TFB1M: variants seen among roughly 807,000 people sequenced by gnomAD.
The protein encoded by TFB1M is transcription factor B1, mitochondrial, also known as dimethyladenosine transferase 1, mitochondrial.
Under a neutral mutation model 31.1 loss-of-function variants are expected in TFB1M, and 27 were observed. The ratio of observed to expected loss-of-function variants is 0.87; its 90% confidence interval spans 0.64 to 1.20. The LOEUF (loss-of-function observed/expected upper bound fraction) is 1.20. Among genes scored for constraint, TFB1M ranks in the 50% most tolerant of loss-of-function variants. TFB1M has a pLI of 0.00. For synonymous variants in TFB1M, 166 were observed against 151.8 expected, an observed-to-expected ratio of 1.09 and a Z score of -0.69; for missense variants, 394 against 418.7, an observed-to-expected ratio of 0.94 and a Z score of 0.51.
chr6:155,260,462 C>G, intron 5 of TFB1M, 62 bp from the exon 6 acceptor site: 5 of 1,608,408 alleles, frequency 3.1e-6, no homozygotes, highest in Non-Finnish European at 3.4e-6. Context: ...TGTGATCAAT[C>G]AACTCATCCT....
downstream of TFB1M, chr6:155,254,322 C>G: frequency 6.7e-7 from 1 of 1,502,266 alleles, no homozygotes; most frequent in South Asian, 1.3e-5. Flanking sequence ...GCAGCCTGGT[C>G]CAGCAGGTGC....
the TFB1M span, among the ~76,000 whole-genome samples, chr6:155,229,993 A>G: frequency 6.6e-6 from 1 of 151,936 alleles, no homozygotes; most frequent in African/African-American, 2.4e-5. Flanking sequence ...GGTCCCTCCC[A>G]TGACACATGG....
intron 2 of TFB1M, among the ~76,000 whole-genome samples, chr6:155,301,651 G>A (rs1435306949): frequency 6.6e-6 from 1 of 152,008 alleles, no homozygotes; most frequent in Non-Finnish European, 1.5e-5. Flanking sequence ...TTTTATTTTA[G>A]TGTTCAATTC....
At chr6:155,277,654 C>G (rs1346347302) in intron 5 of TFB1M, among the ~76,000 whole-genome samples, 1 of 152,108 alleles carries the variant, frequency 6.6e-6, no homozygotes, top group African/African-American at 2.4e-5. Flanking sequence ...TTAGCTATTA[C>G]TGGAATAGCT....
chr6:155,311,690 G>A (rs974280682), intron 1 of TFB1M, among the ~76,000 whole-genome samples: 1 of 152,166 alleles, frequency 6.6e-6, no homozygotes, highest in African/African-American at 2.4e-5. Context: ...GGATAAGAAT[G>A]CAGCACTTTT....
chr6:155,234,371 T>C, the TFB1M span, among the ~76,000 whole-genome samples: 5 of 152,224 alleles, frequency 3.3e-5, no homozygotes, highest in Admixed American at 6.5e-5. Flanking sequence ...CACTGTAACC[T>C]TGAACTCCTG....
chr6:155,285,407 C>T lies in TFB1M; in HGVS notation c.547-130G>A, dbSNP rs527421082. 3.4e-4 allele frequency: 334 copies of T among 982,862 alleles called. 2 individuals are homozygous for T. In the East Asian group the frequency reaches 9.0e-3, roughly 26 times the overall value. 60.9% of individuals were successfully genotyped at this position (982,862 alleles called of 1,614,324 possible). Reference sequence around the variant, plus strand: ...GGCAAATTTGAAAAGAATGGGCTATCTGACACATGACACACAGCAAACATG... The same window carrying T: ...GGCAAATTTGAAAAGAATGGGCTATTTGACACATGACACACAGCAAACATG... On this transcript the variant is annotated intron_variant, in intron 4 of 6. Coordinates refer to ENST00000367166, the MANE Select transcript of TFB1M (RefSeq NM_016020.4).
In TFB1M at chr6:155,278,082, T is replaced by C. The variant is rs570353575; in HGVS notation, c.666+7076A>G. Among the ~76,000 whole-genome samples the C allele has an allele frequency of 9.2e-5, 14 of 152,312 alleles. No individual in the cohort carries two copies. The East Asian group carries it at 2.7e-3, about 29-fold the overall frequency. On this transcript the variant is annotated intron_variant, in intron 5 of 6. Transcript: ENST00000367166. Reference sequence around the variant, plus strand: ...TATATGAAATAATGGCCCAGTGTATTGTTTGGAAGTGGCAATCCTGCAATA... The same window carrying C: ...TATATGAAATAATGGCCCAGTGTATCGTTTGGAAGTGGCAATCCTGCAATA...
At chr6:155,287,634 T>C (rs1776726229) in intron 4 of TFB1M, among the ~76,000 whole-genome samples, 1 of 151,648 alleles carries the variant, frequency 6.6e-6, no homozygotes, top group Non-Finnish European at 1.5e-5. Context: ...GAAATAATGA[T>C]GACGAAAGTT....
intron 4 of TFB1M, among the ~76,000 whole-genome samples, chr6:155,290,009 T>C (rs1432331022): frequency 2.0e-5 from 3 of 152,166 alleles, no homozygotes; most frequent in Non-Finnish European, 4.4e-5. Context: ...TCCTGTAGAG[T>C]TGCAGAAATG....
intron 5 of TFB1M, among the ~76,000 whole-genome samples, chr6:155,281,218 T>TCCTTCAA (rs776513504): frequency 1.3e-5 from 2 of 152,216 alleles, no homozygotes; most frequent in Non-Finnish European, 2.9e-5. Flanking sequence ...CTCACAAATG[T>TCCTTCAA]CCTTCAAGGG....
intron 5 of TFB1M, 179 bp from the exon 6 acceptor site, chr6:155,260,579 A>C (rs1784346952): frequency 1.3e-6 from 1 of 750,916 alleles, no homozygotes; most frequent in Admixed American, 2.1e-5. Flanking sequence ...CTGGATTCGC[A>C]AATGACATGG....
intron 4 of TFB1M, among the ~76,000 whole-genome samples, chr6:155,293,511 C>G (rs1777026100): frequency 6.6e-6 from 1 of 152,190 alleles, no homozygotes. Flanking sequence ...TGTTGCAGGT[C>G]TATTCCTCCA....
chr6:155,301,737 C>T (rs1024234616), intron 2 of TFB1M, among the ~76,000 whole-genome samples: 2 of 152,010 alleles, frequency 1.3e-5, no homozygotes, highest in African/African-American at 4.8e-5. Flanking sequence ...AAGAAGAAAC[C>T]GAAAATCAAA....
chr6:155,268,897 A>G (rs9397796), intron 5 of TFB1M, among the ~76,000 whole-genome samples: 17,983 of 147,048 alleles, frequency 0.12, 1,397 homozygotes, highest in Non-Finnish European at 0.18. Flanking sequence ...CTATTGTCCT[A>G]TGACCCTGCC....
chr6:155,291,924 A>G (rs1776943881), intron 4 of TFB1M, among the ~76,000 whole-genome samples: 1 of 152,234 alleles, frequency 6.6e-6, no homozygotes. Flanking sequence ...AAGCTTATGT[A>G]GTAGTAGAGT....
chr6:155,241,386 G>A, the TFB1M span, among the ~76,000 whole-genome samples: 1 of 152,174 alleles, frequency 6.6e-6, no homozygotes, highest in African/African-American at 2.4e-5. Context: ...GTCAGTTACT[G>A]AAGCAGCGCG....
chr6:155,265,738 T>TATATA (rs1562389445), intron 5 of TFB1M, among the ~76,000 whole-genome samples: 1 of 140,548 alleles, frequency 7.1e-6, no homozygotes, highest in African/African-American at 2.7e-5. Context: ...AAATATATAT[T>TATATA]ATATATAATA....
the TFB1M span, chr6:155,240,585 G>T: frequency 6.2e-7 from 1 of 1,614,120 alleles, no homozygotes; most frequent in Non-Finnish European, 8.5e-7. Flanking sequence ...CAGGCCAACG[G>T]CATGGAAGGA....
Sources: gnomAD v4.1 joint callset for allele counts (sites outside exome capture counted in the v4.1 genomes callset) on GRCh38, gnomAD v4.1.1 for gene constraint, MANE v1.5 for transcripts, NCBI Gene and HGNC (gene_info 2026-07-23, HGNC 2026-07-21) for gene names.